The following RABGAP1 variants were observed in gnomAD, a reference collection of about 807,000 sequenced individuals.
RABGAP1 encodes the protein RAB GTPase activating protein 1.
A neutral mutation model predicts 137.6 loss-of-function variants in RABGAP1; 23 were observed. The ratio of observed to expected loss-of-function variants is 0.17; its 90% CI spans 0.12 to 0.24. The LOEUF (loss-of-function observed/expected upper bound fraction) is 0.24. Among genes scored for constraint, RABGAP1 ranks in the 10% least tolerant of loss-of-function variants. The pLI is 1.00. For missense variants in RABGAP1, 906 were observed against 1,275.8 expected (o/e 0.71, Z 4.42); for synonymous variants, 451 against 450.7 (o/e 1.00, Z -0.01).
Position 123,101,549 on chromosome 9 carries a change from C to G in RABGAP1, c.2890-17C>G, listed in dbSNP as rs772394388. On this transcript the variant is annotated splice_polypyrimidine_tract_variant and intron_variant, in intron 24 of 25. Coordinates refer to ENST00000373647, the MANE Select transcript of RABGAP1 (RefSeq NM_012197.4). ...GTTCCTCTTCTTTGCCTCTTCACATCTAACATTCAATTTCAGCAAAAAGTG... is the reference window on the plus strand; with the variant it reads ...GTTCCTCTTCTTTGCCTCTTCACATGTAACATTCAATTTCAGCAAAAAGTG... 6 of 1,610,588 alleles carry G rather than the reference C, an allele frequency of 3.7e-6. No homozygotes were observed. In the East Asian group the frequency reaches 6.7e-5, roughly 18 times the overall value.
At position 122,957,080 on chromosome 9, in the gene RABGAP1, T is replaced by G. The variant is rs1249588833; in HGVS notation, c.21T>G (p.Val7=). ...GAGTTATGGATGACAAGGCTTCTGT[T>G]GGAAAAATCAGTGTCTCTTCAGACT... The part of the protein sequence containing the change: MDDKAS[V]GKISVSSDSV... Residue 7 remains valine (V), a synonymous_variant, in exon 2 of 26, where the codon GTT becomes GTG. Coordinates refer to ENST00000373647, the MANE Select transcript of RABGAP1 (RefSeq NM_012197.4). The G allele has an allele frequency of 3.9e-6, 6 of 1,524,824 alleles. No homozygotes were observed. In the African/African-American group the frequency reaches 8.1e-5, roughly 21 times the overall value. 94.5% of individuals were successfully genotyped at this position (1,524,824 alleles called of 1,614,324 possible). A position where few individuals can be genotyped will look rare whatever the true frequency, so the allele number is the denominator to read the frequency against.
chr9:123,090,571 C>T (rs2035004859), intron 21 of RABGAP1, among the ~76,000 whole-genome samples, 186 bp downstream of exon 21: 1 of 152,194 alleles, frequency 6.6e-6, no homozygotes. Flanking sequence ...CTCACAAAGC[C>T]CTCCTTACCA....
At chr9:123,089,436 C>G (rs1159659539) in intron 19 of RABGAP1, 2 of 234,838 alleles carry the variant, frequency 8.5e-6, no homozygotes, top group African/African-American at 4.4e-5. Flanking sequence ...CTGGTATATG[C>G]TAAATAAAAT....
chr9:122,993,478 G>A (rs539411147), intron 6 of RABGAP1, among the ~76,000 whole-genome samples: 21 of 152,058 alleles, frequency 1.4e-4, no homozygotes, highest in Non-Finnish European at 2.6e-4. Context: ...CACCATGTTG[G>A]CCAGGCTGGT....
chr9:123,045,354 A>G (rs557982581), intron 13 of RABGAP1, among the ~76,000 whole-genome samples: 23 of 152,304 alleles, frequency 1.5e-4, no homozygotes, highest in Admixed American at 1.2e-3. Flanking sequence ...TCTTGTCTTT[A>G]TTGCCTCTGG....
chr9:123,073,777 C>CG, intron 16 of RABGAP1, 100 bp downstream of exon 16: 2 of 1,465,056 alleles, frequency 1.4e-6, no homozygotes, highest in South Asian at 2.4e-5. Context: ...ATTGCCTTAG[C>CG]GATCCGTGGC....
At chr9:123,027,108 C>CTTTTT (rs71388345) in intron 13 of RABGAP1, among the ~76,000 whole-genome samples, 62 of 100,074 alleles carry the variant, frequency 6.2e-4, no homozygotes, top group East Asian at 1.8e-3. Flanking sequence ...TCTTTCTTTT[C>CTTTTT]TTTTTTTTTT....
chr9:123,098,858 A>G (rs2132242294), intron 23 of RABGAP1, 60 bp downstream of exon 23: 3 of 1,178,670 alleles, frequency 2.5e-6, no homozygotes, highest in Non-Finnish European at 3.6e-6. Flanking sequence ...TCTGGATAAA[A>G]TGTATACCCG....
chr9:123,030,340 T>A (rs1052459511), intron 13 of RABGAP1, among the ~76,000 whole-genome samples: 1 of 152,186 alleles, frequency 6.6e-6, no homozygotes, highest in Non-Finnish European at 1.5e-5. Flanking sequence ...AATATGGTTC[T>A]GAGAGTATAT....
intron 21 of RABGAP1, among the ~76,000 whole-genome samples, chr9:123,093,268 C>T (rs2035081525): frequency 6.6e-6 from 1 of 152,222 alleles, no homozygotes; most frequent in Non-Finnish European, 1.5e-5. Flanking sequence ...GTTCTTCACA[C>T]AACAGCTGTG....
chr9:122,952,661 G>A (rs975934333), intron 1 of RABGAP1, among the ~76,000 whole-genome samples: 5 of 152,042 alleles, frequency 3.3e-5, no homozygotes, highest in African/African-American at 1.2e-4. Flanking sequence ...ACCTGAGCCC[G>A]GGAGTTTGAG....
rs552644654 is a variant in RABGAP1 at position 123,003,474 on chromosome 9, G to A, written c.1374+4708G>A. Among the ~76,000 whole-genome samples, 11 of 152,144 alleles carry A rather than the reference G, an allele frequency of 7.2e-5. No homozygotes were observed. In the South Asian group the frequency reaches 1.5e-3, roughly 20 times the overall value. On this transcript the variant is annotated intron_variant, in intron 10 of 25. Transcript: ENST00000373647. ...TAATTTAAAATTTTAACCATTTTCCGTTCTCCTTAGACTGAAAAGGAAACA... is the reference window on the plus strand; with the variant it reads ...TAATTTAAAATTTTAACCATTTTCCATTCTCCTTAGACTGAAAAGGAAACA...
At chr9:122,980,587 TG>T (rs1447034847) in intron 2 of RABGAP1, among the ~76,000 whole-genome samples, 1 of 152,192 alleles carries the variant, frequency 6.6e-6, no homozygotes, top group Non-Finnish European at 1.5e-5. Flanking sequence ...TCTTTACATC[TG>T]AAAGGCTAAA....
intron 6 of RABGAP1, among the ~76,000 whole-genome samples, chr9:122,994,461 T>G (rs976845465): frequency 9.9e-5 from 15 of 152,256 alleles, no homozygotes; most frequent in Admixed American, 2.0e-4. Flanking sequence ...CAGTTTGATA[T>G]GCAAAAATTT....
intron 13 of RABGAP1, chr9:123,034,515 T>C: frequency 2.6e-6 from 3 of 1,168,630 alleles, no homozygotes; most frequent in Non-Finnish European, 3.7e-6. Flanking sequence ...CTTTGAACTG[T>C]TGGCAGCAGC....
intron 1 of RABGAP1, among the ~76,000 whole-genome samples, chr9:122,955,068 A>G (rs991564407): frequency 2.6e-5 from 4 of 152,208 alleles, no homozygotes; most frequent in African/African-American, 9.6e-5. Flanking sequence ...GAAGACTACT[A>G]AGAGAGGGAG....
At chr9:122,953,806 T>C (rs1834375458) in intron 1 of RABGAP1, among the ~76,000 whole-genome samples, 1 of 152,222 alleles carries the variant, frequency 6.6e-6, no homozygotes, top group Non-Finnish European at 1.5e-5. Context: ...GGCCTTACTT[T>C]TTCCTTGGGT....
chr9:123,078,729 G>A (rs1174292407), intron 19 of RABGAP1, among the ~76,000 whole-genome samples: 3 of 151,978 alleles, frequency 2.0e-5, no homozygotes, highest in Non-Finnish European at 4.4e-5. Context: ...GGTTGCTCAG[G>A]CCAAAAACCT....
At chr9:123,056,795 G>T (rs1588347391) in intron 13 of RABGAP1, among the ~76,000 whole-genome samples, 1 of 152,170 alleles carries the variant, frequency 6.6e-6, no homozygotes, top group East Asian at 1.9e-4. Context: ...AGGGTTGGGG[G>T]TAAGGTCACA....
Sources: allele counts gnomAD v4.1 joint callset (sites outside exome capture counted in the v4.1 genomes callset), GRCh38; gene constraint gnomAD v4.1.1; transcripts MANE v1.5; gene names NCBI Gene and HGNC (gene_info 2026-07-23, HGNC 2026-07-21).